BCAR3: variants seen among roughly 807,000 people sequenced by gnomAD.
The protein encoded by BCAR3 is breast cancer anti-estrogen resistance protein 3.
In BCAR3, 37 loss-of-function variants were observed where a neutral mutation model predicts 80.1. The observed-to-expected ratio is 0.46, with a 90% CI of 0.36 to 0.61. BCAR3 has a LOEUF of 0.61. BCAR3 is among the 20% of genes least tolerant of loss of function. The pLI is 0.00. For missense variants in BCAR3, 978 were observed against 1,068.2 expected (o/e 0.92, Z 1.18); for synonymous variants, 389 against 418.9 (o/e 0.93, Z 0.87).
At chr1:93,562,814 T>A (rs1472893361) in intron 11 of BCAR3, among the ~76,000 whole-genome samples, 1 of 146,088 alleles carries the variant, frequency 6.8e-6, no homozygotes, top group Non-Finnish European at 1.5e-5. Flanking sequence ...TTGCTTAAAG[T>A]AGCATCAAAA....
chr1:93,710,282 C>G (rs1165306766), intron 2 of BCAR3, among the ~76,000 whole-genome samples: 2 of 152,212 alleles, frequency 1.3e-5, no homozygotes, highest in Non-Finnish European at 2.9e-5. Context: ...AAGCACAGCT[C>G]TCTGCTGGGC....
intron 3 of BCAR3, among the ~76,000 whole-genome samples, chr1:93,689,090 G>A (rs1256918362): frequency 6.6e-6 from 1 of 152,208 alleles, no homozygotes; most frequent in Non-Finnish European, 1.5e-5. Flanking sequence ...CACATTACCA[G>A]GACTTTCATC....
intron 2 of BCAR3, among the ~76,000 whole-genome samples, chr1:93,642,891 T>C (rs189300886): frequency 4.7e-4 from 71 of 152,284 alleles, no homozygotes; most frequent in African/African-American, 1.5e-3. Context: ...CTGGTGAAAA[T>C]CTCAGCAATT....
rs1355164392 is a variant in BCAR3, at chr1:93,769,652, AG to A, written c.-62-63511del. Reference sequence around the variant, plus strand: ...TTCCTCTCTTTCTCTCTAAGTTTGAAGAATTACTGTTCGAGTTTAACCCCAC... The same window carrying A: ...TTCCTCTCTTTCTCTCTAAGTTTGAAAATTACTGTTCGAGTTTAACCCCAC... On this transcript the variant is annotated intron_variant, in intron 2 of 13. Transcript: ENST00000370244. Among the ~76,000 whole-genome samples, 3 of 152,168 alleles carry A rather than the reference AG, an allele frequency of 2.0e-5. No individual in the cohort carries two copies. The East Asian group carries it at 5.8e-4, about 29-fold the overall frequency.
intron 2 of BCAR3, among the ~76,000 whole-genome samples, chr1:93,728,452 C>T (rs556218263): frequency 1.3e-5 from 2 of 152,252 alleles, no homozygotes; most frequent in Non-Finnish European, 2.9e-5. Flanking sequence ...AGACCCTCTA[C>T]CCTGTTGCAA....
chr1:93,755,222 T>C (rs758689784), intron 2 of BCAR3, among the ~76,000 whole-genome samples: 15 of 152,154 alleles, frequency 9.9e-5, no homozygotes, highest in Non-Finnish European at 1.8e-4. Flanking sequence ...AATAAAACAT[T>C]TATAAAGTTA....
intron 2 of BCAR3, among the ~76,000 whole-genome samples, chr1:93,809,928 C>T (rs1051787293): frequency 3.3e-5 from 5 of 151,882 alleles, no homozygotes; most frequent in African/African-American, 7.3e-5. Flanking sequence ...TGGCCCGATG[C>T]GGTGGCTCAC....
At chr1:93,822,218 C>T (rs921833692) in intron 2 of BCAR3, among the ~76,000 whole-genome samples, 2 of 151,124 alleles carry the variant, frequency 1.3e-5, no homozygotes, top group Non-Finnish European at 2.9e-5. Context: ...CTCTCTATCA[C>T]CCAGGATGGA....
At chr1:93,719,993 T>C (rs1427461209) in intron 2 of BCAR3, among the ~76,000 whole-genome samples, 2 of 152,228 alleles carry the variant, frequency 1.3e-5, no homozygotes, top group African/African-American at 4.8e-5. Flanking sequence ...ACTATTGCCT[T>C]GAACTTCTGG....
intron 2 of BCAR3, among the ~76,000 whole-genome samples, chr1:93,811,293 A>G (rs1043398684): frequency 1.3e-5 from 2 of 152,144 alleles, no homozygotes; most frequent in Non-Finnish European, 2.9e-5. Context: ...GGCAGCATAA[A>G]CCTAAGTGGA....
Position 93,571,702 on chromosome 1 carries a change from AG to A in BCAR3, c.1941del (p.Ser648GlnfsTer4). 1 of 1,614,142 alleles carries A rather than the reference AG, an allele frequency of 6.2e-7. No homozygotes were observed. The highest frequency in any genetic ancestry group is 1.1e-5 in the South Asian group (1 of 91,072). ...LKDSMGDLYS[F>X]SALMKALEMP... The stretch of plus-strand genomic sequence containing the variant: ...ATTTCCAGGGCTTTCATGAGAGCTG[AG>A]AAGGAATAGAGGTCCCCCATGGAAT... On this transcript the variant is annotated frameshift_variant, in exon 9 of 12. Coordinates refer to ENST00000260502, the MANE Select transcript of BCAR3 (RefSeq NM_003567.4). LOFTEE classifies it high-confidence loss of function.
intron 2 of BCAR3, among the ~76,000 whole-genome samples, chr1:93,804,531 A>G (rs565243174): frequency 6.6e-6 from 1 of 152,350 alleles, no homozygotes; most frequent in South Asian, 2.1e-4. Context: ...CAAGATGGCT[A>G]TTAAGTGACT....
intron 2 of BCAR3, among the ~76,000 whole-genome samples, chr1:93,733,472 C>T (rs1346052705): frequency 1.3e-5 from 2 of 152,170 alleles, no homozygotes; most frequent in African/African-American, 4.8e-5. Context: ...TTAGAGGGGA[C>T]ACACAGGGCT....
intron 3 of BCAR3, among the ~76,000 whole-genome samples, chr1:93,624,995 G>A (rs1217115061): frequency 2.0e-5 from 3 of 152,152 alleles, no homozygotes; most frequent in Non-Finnish European, 2.9e-5. Context: ...CGGATCACGA[G>A]GTCAGGAGAT....
rs1653115161 is a variant in BCAR3, at chr1:93,790,637, T to TC, written c.-63+54929_-63+54930insG. On this transcript the variant is annotated intron_variant, in intron 2 of 13. Coordinates refer to the BCAR3 transcript ENST00000370244. ...GTCTTTTTTTTTTTTTGTATTCATT[T>TC]TTTTTTTTTCTTAATTTTTTTTTTT... 4.9e-5 allele frequency among the ~76,000 whole-genome samples: 5 copies of TC among 102,270 alleles called. 1 individual carries two copies. Among genetic ancestry groups the TC allele is most frequent in the South Asian group, 3.5e-4 (1 of 2,856 alleles). The allele number at this position is 102,270 out of a possible 152,430, so 67.1% of individuals were successfully genotyped here. A position where few individuals can be genotyped will look rare whatever the true frequency, so the allele number is the denominator to read the frequency against.
intron 3 of BCAR3, chr1:93,705,950 G>A (rs553541692): frequency 2.6e-5 from 4 of 152,296 alleles, no homozygotes. Flanking sequence ...GCTTCTGCAG[G>A]TTAACAAGAG....
chr1:93,643,776 T>C (rs1676072248), intron 2 of BCAR3, among the ~76,000 whole-genome samples: 1 of 152,106 alleles, frequency 6.6e-6, no homozygotes, highest in African/African-American at 2.4e-5. Context: ...TGAGTAGATT[T>C]CAACTGATCT....
chr1:93,655,555 C>A (rs1361072658), intron 2 of BCAR3, among the ~76,000 whole-genome samples: 3 of 152,190 alleles, frequency 2.0e-5, no homozygotes, highest in African/African-American at 7.2e-5. Flanking sequence ...GGCACTCAAT[C>A]CATTTGTTAA....
intron 2 of BCAR3, among the ~76,000 whole-genome samples, chr1:93,812,077 T>A (rs1653864488): frequency 6.6e-6 from 1 of 152,208 alleles, no homozygotes; most frequent in Non-Finnish European, 1.5e-5. Context: ...GTAATAAATG[T>A]CCTGTAAATA....
Sources: allele counts gnomAD v4.1 joint callset (sites outside exome capture counted in the v4.1 genomes callset), GRCh38; gene constraint gnomAD v4.1.1; transcripts MANE v1.5; gene names NCBI Gene and HGNC (gene_info 2026-07-23, HGNC 2026-07-21).